Variants in UBE2G1 observed in about 807,000 individuals in gnomAD.
UBE2G1 encodes ubiquitin-conjugating enzyme E2 G1.
In UBE2G1, 5 loss-of-function variants were observed where a neutral mutation model predicts 22.7. The ratio of observed to expected loss-of-function variants is 0.22; its 90% CI spans 0.12 to 0.46. The LOEUF is 0.46. UBE2G1 is among the 20% of genes least tolerant of loss of function. The pLI is 0.99. For missense variants in UBE2G1, 88 were observed against 203.9 expected (o/e 0.43, Z 3.46); for synonymous variants, 74 against 67.5 (o/e 1.10, Z -0.47).
chr17:4,315,705 A>G (rs1452272813), intron 1 of UBE2G1, among the ~76,000 whole-genome samples: 3 of 149,586 alleles, frequency 2.0e-5, no homozygotes, highest in Non-Finnish European at 4.4e-5. Context: ...GCGCCACTGC[A>G]CTCCAGCCTG....
At chr17:4,301,905 C>T in intron 2 of UBE2G1, 1 of 492,174 alleles carries the variant, frequency 2.0e-6, no homozygotes, top group Non-Finnish European at 4.1e-6. Flanking sequence ...TGGGGTTCTG[C>T]TGGTCACACA....
chr17:4,315,343 T>C (rs967064827), intron 1 of UBE2G1, among the ~76,000 whole-genome samples: 5 of 152,154 alleles, frequency 3.3e-5, no homozygotes, highest in African/African-American at 1.2e-4. Context: ...TTGTCGATCA[T>C]TATGTAAAAG....
intron 1 of UBE2G1, among the ~76,000 whole-genome samples, chr17:4,340,812 T>A (rs1446574702): frequency 2.6e-5 from 4 of 151,022 alleles, no homozygotes; most frequent in Non-Finnish European, 5.9e-5. Context: ...CTCACAATGT[T>A]GACCAGGCTG....
chr17:4,346,427 TCTTC>T (rs1168738097), intron 1 of UBE2G1, among the ~76,000 whole-genome samples: 4 of 120,174 alleles, frequency 3.3e-5, no homozygotes, highest in East Asian at 4.1e-4. Flanking sequence ...TACATTTTCT[TCTTC>T]TTTTTTTTTT....
chr17:4,358,419 C>A (rs2143829733), intron 1 of UBE2G1, among the ~76,000 whole-genome samples: 1 of 152,138 alleles, frequency 6.6e-6, no homozygotes, highest in South Asian at 2.1e-4. Flanking sequence ...ATGAGAGCCA[C>A]CACACCTGTC....
At chr17:4,287,987 G>A (rs1024860836) in intron 4 of UBE2G1, among the ~76,000 whole-genome samples, 4 of 152,070 alleles carry the variant, frequency 2.6e-5, no homozygotes, top group Non-Finnish European at 4.4e-5. Context: ...CTACATTAAC[G>A]ACAGACTTGT....
intron 2 of UBE2G1, among the ~76,000 whole-genome samples, chr17:4,299,220 T>C (rs7218234): frequency 0.064 from 9,770 of 152,236 alleles, 1,090 homozygotes; most frequent in African/African-American, 0.22. Context: ...GTATTTCTAA[T>C]TATGGGTTTG....
chr17:4,310,308 A>G (rs1338511172), intron 1 of UBE2G1, among the ~76,000 whole-genome samples: 2 of 152,232 alleles, frequency 1.3e-5, no homozygotes, highest in Admixed American at 6.5e-5. Context: ...TCCCCAGAGA[A>G]GTAAACAGGC....
chr17:4,312,361 T>C (rs1969319701), intron 1 of UBE2G1, among the ~76,000 whole-genome samples: 2 of 152,004 alleles, frequency 1.3e-5, no homozygotes, highest in African/African-American at 2.4e-5. Flanking sequence ...CTGCAGGGGA[T>C]GTAACCGAAT....
At chr17:4,349,092 G>A (rs953192929) in intron 1 of UBE2G1, among the ~76,000 whole-genome samples, 10 of 152,100 alleles carry the variant, frequency 6.6e-5, no homozygotes, top group Non-Finnish European at 1.2e-4. Context: ...GGAGGCCGAG[G>A]TGGGCAGATC....
chr17:4,359,851 C>CAAAAAAAAAAAAAAAAAAAA (rs35941094), intron 1 of UBE2G1, among the ~76,000 whole-genome samples: 1 of 107,512 alleles, frequency 9.3e-6, no homozygotes, highest in African/African-American at 2.9e-5. Flanking sequence ...GGCTCCATCT[C>CAAAAAAAAAAAAAAAAAAAA]AAAAAAAAAA....
At chr17:4,306,290 G>C (rs1206068526) in intron 2 of UBE2G1, among the ~76,000 whole-genome samples, 2 of 152,092 alleles carry the variant, frequency 1.3e-5, no homozygotes, top group African/African-American at 4.8e-5. Flanking sequence ...CTGAGTTCAA[G>C]TGATTCTCCT....
intron 1 of UBE2G1, among the ~76,000 whole-genome samples, chr17:4,327,430 C>T (rs1555521994): frequency 6.6e-6 from 1 of 152,116 alleles, no homozygotes; most frequent in Non-Finnish European, 1.5e-5. Flanking sequence ...CAAGATCACA[C>T]CACTGCACCC....
chr17:4,357,018 C>G (rs1052357309), intron 1 of UBE2G1, among the ~76,000 whole-genome samples: 71 of 152,088 alleles, frequency 4.7e-4, no homozygotes, highest in African/African-American at 1.7e-3. Flanking sequence ...AATATCAAAC[C>G]CAAGAAATCG....
At chr17:4,349,462 G>A (rs1467721107) in intron 1 of UBE2G1, among the ~76,000 whole-genome samples, 1 of 152,076 alleles carries the variant, frequency 6.6e-6, no homozygotes, top group Non-Finnish European at 1.5e-5. Context: ...TGGAACTGAT[G>A]TCATCTTGAA....
intron 1 of UBE2G1, among the ~76,000 whole-genome samples, chr17:4,361,645 G>C (rs1277785587): frequency 6.6e-6 from 1 of 152,074 alleles, no homozygotes; most frequent in Non-Finnish European, 1.5e-5. Flanking sequence ...TCTCTGAAAA[G>C]ACACATTTGT....
intron 2 of UBE2G1, among the ~76,000 whole-genome samples, chr17:4,303,571 T>C (rs771084967): frequency 7.4e-6 from 1 of 135,156 alleles, no homozygotes; most frequent in Non-Finnish European, 1.6e-5. Context: ...CCAAAGTCCA[T>C]GTTCTTGAAC....
intron 5 of UBE2G1, among the ~76,000 whole-genome samples, chr17:4,280,755 A>C (rs892068224): frequency 6.6e-6 from 1 of 151,486 alleles, no homozygotes; most frequent in African/African-American, 2.4e-5. Flanking sequence ...CTCCTGCCTC[A>C]GCCTCCTAAC....
rs1969667171 is a variant in UBE2G1 at position 4,337,856 on chromosome 17, A to T, written c.46+28415T>A. ...CAAAGTTACTCAAGTAAGATAACAG[A>T]AGCCTGCAGAATTAATTCTAAAACC... is the stretch of plus-strand genomic sequence containing the variant. On this transcript the variant is annotated intron_variant, in intron 1 of 5. Coordinates refer to ENST00000396981, the MANE Select transcript of UBE2G1 (RefSeq NM_003342.5). Among the ~76,000 whole-genome samples, 2 of 152,100 alleles carry T rather than the reference A, an allele frequency of 1.3e-5. 1 individual carries two copies. The highest frequency in any genetic ancestry group is 2.9e-5 in the Non-Finnish European group (2 of 67,996).
Sources: allele counts gnomAD v4.1 joint callset (sites outside exome capture counted in the v4.1 genomes callset), GRCh38; gene constraint gnomAD v4.1.1; transcripts MANE v1.5; gene names NCBI Gene and HGNC (gene_info 2026-07-23, HGNC 2026-07-21).